The following FREM2 variants were observed in gnomAD, a reference collection of about 807,000 sequenced individuals.
The protein encoded by FREM2 is FRAS1 related extracellular matrix 2.
FREM2 carries 119 observed loss-of-function variants against 219.9 expected under a neutral mutation model. The observed-to-expected ratio is 0.54, with a 90% CI of 0.47 to 0.63. The LOEUF is 0.63. FREM2 is among the 30% of genes least tolerant of loss of function. The pLI is 0.00. For missense variants in FREM2, 4,030 were observed against 3,993.6 expected (o/e 1.01, Z -0.25); for synonymous variants, 1,562 against 1,522.8 (o/e 1.03, Z -0.60).
In FREM2 at chr13:38,690,467, A is replaced by G; in HGVS notation, c.3123A>G (p.Gln1041=). 1 of 1,614,238 alleles carries G rather than the reference A, an allele frequency of 6.2e-7. No homozygotes were observed. Among genetic ancestry groups the G allele is most frequent in the Non-Finnish European group, 8.5e-7 (1 of 1,180,040 alleles). Residue 1041 remains glutamine, a synonymous_variant, in exon 1 of 24, where the codon CAA becomes CAG. Coordinates refer to ENST00000280481, the MANE Select transcript of FREM2 (RefSeq NM_207361.6). ...ACCTGAGTCTGTCAGATATGTCTCA[A>G]GAATGGAGAATTGGTGGCAATACTA... ...SFNLSLSDMS[Q]EWRIGGNTIQ...
chr13:38,768,956 T>C (rs1873548143), intron 3 of FREM2, among the ~76,000 whole-genome samples: 1 of 152,236 alleles, frequency 6.6e-6, no homozygotes, highest in Admixed American at 6.5e-5. Context: ...TCTCCAATTC[T>C]GTTTATTTAA....
intron 4 of FREM2, among the ~76,000 whole-genome samples, chr13:38,781,900 T>C (rs1593404285): frequency 2.6e-5 from 4 of 152,124 alleles, no homozygotes. Flanking sequence ...CCACAGGCAC[T>C]CTAACCTTTT....
At chr13:38,819,809 C>T (rs1875966627) in intron 6 of FREM2, among the ~76,000 whole-genome samples, 1 of 152,038 alleles carries the variant, frequency 6.6e-6, no homozygotes, top group African/African-American at 2.4e-5. Flanking sequence ...TGCCCAAGGT[C>T]AAACAGCCGG....
chr13:38,688,153 C>T lies in FREM2; in HGVS notation c.809C>T (p.Ala270Val). 1 of 1,613,512 alleles carries T rather than the reference C, an allele frequency of 6.2e-7. No individual in the cohort carries two copies. Among genetic ancestry groups the T allele is most frequent in the South Asian group, 1.1e-5 (1 of 91,084 alleles). Residue 270 changes from alanine to valine, a missense_variant, in exon 1 of 24, where the codon GCC becomes GTC. This residue lies in a region of FREM2 where 3,102 missense variants were observed against 2,950.7 expected (regional missense o/e 1.05). Transcript: ENST00000280481. ...CTAGGCGTGCGCTATCGCCACACAG[C>T]CGCCAGTCGCTCACCAAACAGGGAC... The part of the protein sequence containing the change: ...QELGVRYRHT[A>V]ASRSPNRDWI...
chr13:38,873,243 A>C, intron 17 of FREM2, among the ~76,000 whole-genome samples: 1 of 152,150 alleles, frequency 6.6e-6, no homozygotes, highest in East Asian at 1.9e-4. Flanking sequence ...ATTTTTCTGA[A>C]TTCTAGAAAA....
At chr13:38,868,752 A>T (rs1878058332) in intron 16 of FREM2, among the ~76,000 whole-genome samples, 6 of 152,242 alleles carry the variant, frequency 3.9e-5, no homozygotes, top group Admixed American at 3.9e-4. Flanking sequence ...ATTTCATGAG[A>T]TGGCACCTGA....
At chr13:38,699,312 T>C (rs990752089) in intron 2 of FREM2, among the ~76,000 whole-genome samples, 17 of 150,838 alleles carry the variant, frequency 1.1e-4, no homozygotes, top group Non-Finnish European at 1.0e-4. Flanking sequence ...CTTTTTTTGC[T>C]CATACACAAA....
chr13:38,813,663 G>A (rs1350940885), intron 6 of FREM2, among the ~76,000 whole-genome samples: 1 of 145,768 alleles, frequency 6.9e-6, no homozygotes, highest in Non-Finnish European at 1.5e-5. Flanking sequence ...ATTATTAAAT[G>A]CCTTGAGGTA....
At chr13:38,753,299 T>C (rs1165919876) in intron 2 of FREM2, among the ~76,000 whole-genome samples, 1 of 152,182 alleles carries the variant, frequency 6.6e-6, no homozygotes, top group Non-Finnish European at 1.5e-5. Context: ...TTTAAACACA[T>C]TTTAAAATAG....
Position 38,878,219 on chromosome 13 carries a change from A to G in FREM2, c.8757A>G (p.Leu2919=), listed in dbSNP as rs144702001. 206 of 1,613,720 alleles carry G rather than the reference A, an allele frequency of 1.3e-4. 2 individuals carry two copies. In the African/African-American group the frequency reaches 2.5e-3, roughly 19 times the overall value. The change falls in exon 22 of 24, where the codon CTA becomes CTG. Residue 2919 remains leucine, a synonymous_variant. Transcript: ENST00000280481. ...ACTGCAGCATTGAGAAGGTGTTTCTATGCACTGGAGCTGATGGCTATGTTC... is the reference window on the plus strand; with the variant it reads ...ACTGCAGCATTGAGAAGGTGTTTCTGTGCACTGGAGCTGATGGCTATGTTC... ...SFYCSIEKVF[L]CTGADGYVPK...
At chr13:38,722,371 T>C (rs1280373913) in intron 2 of FREM2, among the ~76,000 whole-genome samples, 1 of 151,890 alleles carries the variant, frequency 6.6e-6, no homozygotes, top group Non-Finnish European at 1.5e-5. Flanking sequence ...AATATATATA[T>C]ATATATGTTT....
chr13:38,815,641 A>C (rs1011290145), intron 6 of FREM2, among the ~76,000 whole-genome samples: 1 of 152,208 alleles, frequency 6.6e-6, no homozygotes, highest in South Asian at 2.1e-4. Flanking sequence ...TACGAGGACT[A>C]TTTGGCACAC....
chr13:38,723,847 C>G (rs1247492685), intron 2 of FREM2, among the ~76,000 whole-genome samples: 2 of 152,196 alleles, frequency 1.3e-5, no homozygotes, highest in African/African-American at 4.8e-5. Flanking sequence ...TGTCATTACT[C>G]TCCTAAGAGG....
At chr13:38,860,044 C>A (rs558359039) in intron 14 of FREM2, among the ~76,000 whole-genome samples, 1 of 151,886 alleles carries the variant, frequency 6.6e-6, no homozygotes, top group Non-Finnish European at 1.5e-5. Flanking sequence ...AGAAAGAATG[C>A]GGGATATTGT....
At chr13:38,728,632 G>A (rs1871631826) in intron 2 of FREM2, among the ~76,000 whole-genome samples, 1 of 151,778 alleles carries the variant, frequency 6.6e-6, no homozygotes, top group African/African-American at 2.4e-5. Flanking sequence ...AGCCTGGTCT[G>A]GAACTATGGG....
chr13:38,783,045 G>T (rs1176460500), intron 4 of FREM2, 25 bp from the exon 5 acceptor site: 2 of 1,612,120 alleles, frequency 1.2e-6, no homozygotes, highest in African/African-American at 2.7e-5. Context: ...CAAAAATAAT[G>T]CTTGCAATTG....
intron 4 of FREM2, among the ~76,000 whole-genome samples, chr13:38,770,858 TA>T (rs1873633207): frequency 6.6e-6 from 1 of 151,766 alleles, no homozygotes; most frequent in Non-Finnish European, 1.5e-5. Context: ...CAGAAAGTTT[TA>T]AAAAGAAAAA....
intron 2 of FREM2, among the ~76,000 whole-genome samples, chr13:38,726,403 T>A (rs1317528904): frequency 6.6e-6 from 1 of 152,202 alleles, no homozygotes; most frequent in Non-Finnish European, 1.5e-5. Context: ...AGAAGCAGCT[T>A]GCTAATCTCT....
In FREM2 at chr13:38,687,526, C is replaced by T. The variant is rs1256115773; in HGVS notation, c.182C>T (p.Ala61Val). 6.3e-7 allele frequency: 1 copy of T among 1,598,818 alleles called. No individual in the cohort carries two copies. Among genetic ancestry groups the T allele is most frequent in the South Asian group, 1.1e-5 (1 of 88,636 alleles). ...FGRALLSPGL[A>V]GAAGVPAEEA... The stretch of plus-strand genomic sequence containing the variant: ...AGGGCGTTGCTGTCCCCTGGTCTCG[C>T]GGGGGCTGCAGGGGTCCCTGCTGAG... Residue 61 changes from alanine to valine, a missense_variant, in exon 1 of 24, where the codon GCG becomes GTG. Transcript: ENST00000280481.
Sources: gnomAD v4.1 joint callset for allele counts (sites outside exome capture counted in the v4.1 genomes callset) on GRCh38, gnomAD v4.1.1 for gene constraint, gnomAD v4.1.1 regional missense constraint, MANE v1.5 for transcripts, NCBI Gene and HGNC (gene_info 2026-07-23, HGNC 2026-07-21) for gene names.